The following ROBO2 variants were observed in gnomAD, a reference collection of about 807,000 sequenced individuals.
ROBO2 encodes the protein roundabout guidance receptor 2.
In ROBO2, 53 loss-of-function variants were observed where a neutral mutation model predicts 160.8. That is an observed-to-expected ratio of 0.33 (90% CI 0.26 to 0.41). The LOEUF (loss-of-function observed/expected upper bound fraction) is 0.41, where lower values mean the gene tolerates loss of function less well. Ranked by LOEUF, ROBO2 falls within the 10% of genes least tolerant of loss-of-function variation. ROBO2 has a pLI of 1.00. For missense variants in ROBO2, 1,577 were observed against 1,722.4 expected (o/e 0.92, Z 1.49); for synonymous variants, 664 against 611.7 (o/e 1.09, Z -1.26).
At chr3:76,397,183 A>G (rs540309794) in intron 2 of ROBO2, among the ~76,000 whole-genome samples, 3 of 152,320 alleles carry the variant, frequency 2.0e-5, no homozygotes, top group South Asian at 4.1e-4. Flanking sequence ...ATCTACAACT[A>G]TCTGATCTTT....
intron 2 of ROBO2, among the ~76,000 whole-genome samples, chr3:76,732,425 T>C (rs995211954): frequency 6.6e-6 from 1 of 152,086 alleles, no homozygotes; most frequent in African/African-American, 2.4e-5. Context: ...GGAGATGAAT[T>C]TTAGAAAGAT....
At chr3:75,975,880 C>T (rs747389268) in intron 2 of ROBO2, among the ~76,000 whole-genome samples, 2 of 151,560 alleles carry the variant, frequency 1.3e-5, no homozygotes, top group African/African-American at 4.8e-5. Context: ...CTGATTTCTA[C>T]AGGACTGGGG....
intron 2 of ROBO2, among the ~76,000 whole-genome samples, chr3:76,201,466 A>G (rs958078396): frequency 1.3e-5 from 2 of 152,144 alleles, no homozygotes. Context: ...GATATTCTCC[A>G]TACAAACTAT....
chr3:76,702,227 T>C (rs557875665), intron 2 of ROBO2, among the ~76,000 whole-genome samples: 2 of 152,176 alleles, frequency 1.3e-5, no homozygotes, highest in Middle Eastern at 3.4e-3. Context: ...AGAGGGTTAA[T>C]ATTGTGCATG....
At chr3:77,071,733 C>T (rs921839106) in intron 1 of ROBO2, among the ~76,000 whole-genome samples, 3 of 152,114 alleles carry the variant, frequency 2.0e-5, no homozygotes, top group Non-Finnish European at 2.9e-5. Context: ...CCATTTAAAA[C>T]GTGATTAGGA....
chr3:76,172,734 C>T (rs935627747), intron 2 of ROBO2, among the ~76,000 whole-genome samples: 4 of 151,914 alleles, frequency 2.6e-5, no homozygotes, highest in Non-Finnish European at 5.9e-5. Context: ...TGACTTTTAG[C>T]CACACTTCAT....
At chr3:77,112,193 CAAAAAAAAA>C (rs373201643) in intron 2 of ROBO2, among the ~76,000 whole-genome samples, 2,225 of 68,670 alleles carry the variant, frequency 0.032, 31 homozygotes, top group Non-Finnish European at 0.046. Flanking sequence ...AGACTCGTCT[CAAAAAAAAA>C]AAAAAAAAAA....
intron 2 of ROBO2, among the ~76,000 whole-genome samples, chr3:76,091,777 A>T (rs2069248011): frequency 6.6e-6 from 1 of 152,208 alleles, no homozygotes; most frequent in South Asian, 2.1e-4. Context: ...AAGCTATGAA[A>T]AACATGGAAA....
At chr3:76,434,713 C>A in intron 2 of ROBO2, 5 of 1,082,126 alleles carry the variant, frequency 4.6e-6, no homozygotes, top group South Asian at 1.2e-5. Context: ...GCAGGCCCCC[C>A]TCCTCCCCCA....
At chr3:77,178,476 C>T (rs1292044743) in intron 2 of ROBO2, among the ~76,000 whole-genome samples, 1 of 151,954 alleles carries the variant, frequency 6.6e-6, no homozygotes, top group African/African-American at 2.4e-5. Context: ...AACACTTGCT[C>T]ATCAAAAAAT....
chr3:77,026,000 C>T (rs1262733987), intron 2 of ROBO2, among the ~76,000 whole-genome samples: 1 of 152,148 alleles, frequency 6.6e-6, no homozygotes, highest in Non-Finnish European at 1.5e-5. Flanking sequence ...CCATCATTGA[C>T]AGCCAAAATT....
intron 2 of ROBO2, among the ~76,000 whole-genome samples, chr3:76,798,985 C>T (rs941522564): frequency 3.3e-5 from 5 of 151,772 alleles, no homozygotes; most frequent in East Asian, 1.9e-4. Context: ...GAGGCCGAGG[C>T]GGGTGCATCA....
chr3:76,680,014 T>C (rs1299456123), intron 2 of ROBO2, among the ~76,000 whole-genome samples: 3 of 152,170 alleles, frequency 2.0e-5, no homozygotes, highest in Non-Finnish European at 4.4e-5. Context: ...TATAAAATTA[T>C]TGCTGTGTGT....
chr3:77,331,534 T>C (rs1259254414), intron 2 of ROBO2, among the ~76,000 whole-genome samples: 1 of 152,208 alleles, frequency 6.6e-6, no homozygotes, highest in Non-Finnish European at 1.5e-5. Flanking sequence ...AAAACCTTTT[T>C]AGAAACTTAA....
chr3:76,362,992 A>T (rs1039537095), intron 2 of ROBO2, among the ~76,000 whole-genome samples: 3 of 151,792 alleles, frequency 2.0e-5, no homozygotes, highest in Non-Finnish European at 4.4e-5. Context: ...CTTTATTTCG[A>T]TGTTTCTTTT....
intron 2 of ROBO2, among the ~76,000 whole-genome samples, chr3:76,657,130 T>G (rs1212068426): frequency 6.6e-6 from 1 of 152,114 alleles, no homozygotes; most frequent in African/African-American, 2.4e-5. Context: ...TTTTCAAGAT[T>G]TTAAAAATGC....
intron 2 of ROBO2, among the ~76,000 whole-genome samples, chr3:77,320,739 T>C (rs568484853): frequency 6.6e-6 from 1 of 152,144 alleles, no homozygotes; most frequent in African/African-American, 2.4e-5. Context: ...GAAGGTAGCT[T>C]CCCTCTAGTG....
chr3:77,499,704 A>G (rs2087286776), intron 5 of ROBO2, among the ~76,000 whole-genome samples: 1 of 143,346 alleles, frequency 7.0e-6, no homozygotes, highest in African/African-American at 2.6e-5. Context: ...GCTGGAGTGC[A>G]GTGGCACGAT....
rs3913583 is a variant in ROBO2 at position 76,401,136 on chromosome 3, C to T, written c.109+463534C>T. ...CTGCTGCAAGGGTGGAACATATGCTCCTATAAGGTGCACAGCTCAGTCATC... is the reference window on the plus strand; with the variant it reads ...CTGCTGCAAGGGTGGAACATATGCTTCTATAAGGTGCACAGCTCAGTCATC... On this transcript the variant is annotated intron_variant, in intron 2 of 26. Transcript: ENST00000487694. Among the ~76,000 whole-genome samples, 24 of 151,552 alleles carry T rather than the reference C, an allele frequency of 1.6e-4. No individual in the cohort carries two copies. In the East Asian group the frequency reaches 2.3e-3, roughly 15 times the overall value.
Sources: allele counts gnomAD v4.1 joint callset (sites outside exome capture counted in the v4.1 genomes callset), GRCh38; gene constraint gnomAD v4.1.1; transcripts MANE v1.5; gene names NCBI Gene and HGNC (gene_info 2026-07-23, HGNC 2026-07-21).